Variants in CACNA2D3 observed in about 807,000 individuals in gnomAD.
CACNA2D3 encodes the protein calcium voltage-gated channel auxiliary subunit alpha2delta 3, also known as voltage-dependent calcium channel subunit alpha-2/delta-3.
Under a neutral mutation model 160.6 loss-of-function variants are expected in CACNA2D3, and 60 were observed. The ratio of observed to expected loss-of-function variants is 0.37; its 90% CI spans 0.30 to 0.46. The LOEUF is 0.46. Among genes scored for constraint, CACNA2D3 ranks in the 20% least tolerant of loss-of-function variants. CACNA2D3 has a pLI of 1.00. For missense variants in CACNA2D3, 1,205 were observed against 1,365.0 expected, an observed-to-expected ratio of 0.88 and a Z score of 1.85; for synonymous variants, 558 against 492.9, an observed-to-expected ratio of 1.13 and a Z score of -1.75.
chr3:54,764,189 A>G lies in CACNA2D3; in HGVS notation c.1247-29A>G. 3 of 1,612,922 alleles carry G rather than the reference A, an allele frequency of 1.9e-6. No homozygotes were observed. The South Asian group carries it at 3.3e-5, about 18-fold the overall frequency. Reference sequence around the variant, plus strand: ...GTTGCAAGTCTTTCTGTCTGTTACTAAACTTGGCCCTCCCTTGGGTTTTGA... The same window carrying G: ...GTTGCAAGTCTTTCTGTCTGTTACTGAACTTGGCCCTCCCTTGGGTTTTGA... On this transcript the variant is annotated intron_variant, in intron 12 of 37. Coordinates refer to ENST00000474759, the MANE Select transcript of CACNA2D3 (RefSeq NM_018398.3).
chr3:54,798,568 G>C (rs905248636), intron 13 of CACNA2D3, among the ~76,000 whole-genome samples: 1 of 152,128 alleles, frequency 6.6e-6, no homozygotes, highest in Non-Finnish European at 1.5e-5. Context: ...TTAGTAAGAA[G>C]AATGTCACCT....
At chr3:54,352,423 T>C (rs1698580812) in intron 3 of CACNA2D3, among the ~76,000 whole-genome samples, 1 of 152,240 alleles carries the variant, frequency 6.6e-6, no homozygotes, top group Non-Finnish European at 1.5e-5. Flanking sequence ...CAATAAATGC[T>C]TGTTAAAGTG....
At chr3:54,629,892 T>C (rs1699198408) in intron 10 of CACNA2D3, among the ~76,000 whole-genome samples, 1 of 152,224 alleles carries the variant, frequency 6.6e-6, no homozygotes. Flanking sequence ...TTCCCTGTTC[T>C]CTGGCCTAAG....
intron 11 of CACNA2D3, among the ~76,000 whole-genome samples, chr3:54,752,265 G>T (rs1388020569): frequency 6.6e-6 from 1 of 152,184 alleles, no homozygotes; most frequent in African/African-American, 2.4e-5. Flanking sequence ...AATGCTTGGG[G>T]ATTTGGTCCA....
intron 11 of CACNA2D3, among the ~76,000 whole-genome samples, chr3:54,751,370 C>G (rs1246733555): frequency 1.3e-5 from 2 of 152,212 alleles, no homozygotes; most frequent in African/African-American, 4.8e-5. Context: ...TACCTCACAA[C>G]TAGCCTTCAA....
intron 13 of CACNA2D3, among the ~76,000 whole-genome samples, chr3:54,801,696 G>A (rs189769082): frequency 1.1e-4 from 16 of 152,004 alleles, no homozygotes; most frequent in East Asian, 5.8e-4. Flanking sequence ...ACAAAAAACC[G>A]GCATTACTTG....
At chr3:54,785,712 C>T (rs1445352229) in intron 13 of CACNA2D3, among the ~76,000 whole-genome samples, 1 of 152,146 alleles carries the variant, frequency 6.6e-6, no homozygotes, top group Non-Finnish European at 1.5e-5. Flanking sequence ...GAGACAAATC[C>T]ACTGAAGACA....
chr3:54,956,253 G>A (rs1192245740), intron 27 of CACNA2D3, among the ~76,000 whole-genome samples: 2 of 152,236 alleles, frequency 1.3e-5, no homozygotes, highest in African/African-American at 4.8e-5. Flanking sequence ...CTTGCTGCAT[G>A]AGCAGACCCG....
At chr3:54,738,794 A>G (rs548667355) in intron 11 of CACNA2D3, among the ~76,000 whole-genome samples, 6 of 152,262 alleles carry the variant, frequency 3.9e-5, no homozygotes, top group Admixed American at 1.3e-4. Flanking sequence ...ATCTGTCACA[A>G]TGCCTTTTTC....
intron 13 of CACNA2D3, among the ~76,000 whole-genome samples, chr3:54,768,607 G>C (rs1702263601): frequency 6.6e-6 from 1 of 152,138 alleles, no homozygotes; most frequent in Admixed American, 6.5e-5. Context: ...GAAAGTCTCT[G>C]AAGTCTTTTG....
chr3:54,372,515 CA>C (rs1431769125), intron 3 of CACNA2D3, among the ~76,000 whole-genome samples: 1 of 152,052 alleles, frequency 6.6e-6, no homozygotes, highest in Non-Finnish European at 1.5e-5. Flanking sequence ...GTATAGATAC[CA>C]GGGAATTTCA....
chr3:54,555,598 A>G (rs1702230976), intron 5 of CACNA2D3, among the ~76,000 whole-genome samples: 1 of 152,208 alleles, frequency 6.6e-6, no homozygotes, highest in Non-Finnish European at 1.5e-5. Flanking sequence ...AATTTATCAC[A>G]AAGGTTGTGT....
At chr3:54,904,329 A>C (rs1012182024) in intron 27 of CACNA2D3, among the ~76,000 whole-genome samples, 2 of 152,192 alleles carry the variant, frequency 1.3e-5, no homozygotes, top group African/African-American at 4.8e-5. Flanking sequence ...ATGACCTGGT[A>C]CAAAGAAATA....
chr3:54,246,309 G>A (rs2107415358), intron 2 of CACNA2D3, among the ~76,000 whole-genome samples: 1 of 152,298 alleles, frequency 6.6e-6, no homozygotes, highest in African/African-American at 2.4e-5. Flanking sequence ...GTTTTGTAAA[G>A]TCTGATCATA....
chr3:54,872,218 C>T (rs537573028), intron 18 of CACNA2D3, among the ~76,000 whole-genome samples: 12 of 152,290 alleles, frequency 7.9e-5, no homozygotes, highest in African/African-American at 2.9e-4. Flanking sequence ...GCCTATGGTG[C>T]TCTATCAAAA....
chr3:54,820,805 A>G (rs913001258), intron 14 of CACNA2D3, among the ~76,000 whole-genome samples: 2 of 152,194 alleles, frequency 1.3e-5, no homozygotes, highest in Non-Finnish European at 2.9e-5. Context: ...TTTTATGATA[A>G]TAACATAGCA....
At chr3:54,984,547 C>T (rs571341311) in intron 29 of CACNA2D3, 61 bp from the exon 30 acceptor site, 1 of 896,488 alleles carries the variant, frequency 1.1e-6, no homozygotes, top group South Asian at 1.5e-5. Context: ...TGTTTAAAAG[C>T]AGTGTGATGG....
At chr3:54,129,129 A>G (rs1559855825) in intron 2 of CACNA2D3, among the ~76,000 whole-genome samples, 2 of 151,838 alleles carry the variant, frequency 1.3e-5, no homozygotes, top group Admixed American at 6.6e-5. Context: ...AGTGACCAAC[A>G]GACTCTGTCT....
At chr3:54,493,603 C>T (rs1344941432) in intron 4 of CACNA2D3, among the ~76,000 whole-genome samples, 1 of 152,168 alleles carries the variant, frequency 6.6e-6, no homozygotes, top group Non-Finnish European at 1.5e-5. Context: ...CTCCTGTCTC[C>T]CTCCTTATCT....
Sources: allele counts gnomAD v4.1 joint callset (sites outside exome capture counted in the v4.1 genomes callset), GRCh38; gene constraint gnomAD v4.1.1; transcripts MANE v1.5; gene names NCBI Gene and HGNC (gene_info 2026-07-23, HGNC 2026-07-21).